CNTNAP2: variants seen among roughly 807,000 people sequenced by gnomAD.
The protein encoded by CNTNAP2 is contactin associated protein 2, also known as contactin-associated protein-like 2.
In CNTNAP2, 98 loss-of-function variants were observed where a neutral mutation model predicts 155.2. That is an observed-to-expected ratio of 0.63 (90% CI 0.54 to 0.75). CNTNAP2 has a LOEUF of 0.75. CNTNAP2 is among the 30% of genes least tolerant of loss of function. CNTNAP2 has a pLI of 0.00. For missense variants in CNTNAP2, 1,727 were observed against 1,688.1 expected (o/e 1.02, Z -0.40); for synonymous variants, 651 against 631.2 (o/e 1.03, Z -0.47).
At position 146,138,498 on chromosome 7, in the gene CNTNAP2, A is replaced by G. The variant is rs115911610; in HGVS notation, c.97+21525A>G. Among the ~76,000 whole-genome samples, 661 of 152,282 alleles carry G rather than the reference A, an allele frequency of 4.3e-3. 3 individuals are homozygous for G. Among genetic ancestry groups the G allele is most frequent in the African/African-American group, 0.014 (577 of 41,572 alleles). ...ATAAGTGATCATGAAATAAACTTAT[A>G]TGTTGAACAATATAGACCATATCAT... On this transcript the variant is annotated intron_variant, in intron 1 of 23. Transcript: ENST00000361727.
chr7:146,340,271 TTTGTTGTTG>T (rs200825227), intron 1 of CNTNAP2, among the ~76,000 whole-genome samples: 2 of 147,476 alleles, frequency 1.4e-5, no homozygotes, highest in Non-Finnish European at 3.0e-5. Flanking sequence ...CCTTTTTTTG[TTTGTTGTTG>T]TTGTTGTTTT....
intron 4 of CNTNAP2, among the ~76,000 whole-genome samples, chr7:147,062,812 G>A (rs879811462): frequency 5.9e-5 from 9 of 152,048 alleles, no homozygotes; most frequent in African/African-American, 9.7e-5. Flanking sequence ...ATTATCTAGC[G>A]TCTGTTCTTA....
At chr7:146,356,083 ACACACACACACG>A (rs1794993928) in intron 1 of CNTNAP2, among the ~76,000 whole-genome samples, 1 of 127,952 alleles carries the variant, frequency 7.8e-6, no homozygotes, top group African/African-American at 3.0e-5. Flanking sequence ...ACACACACAC[ACACACACACACG>A]GGAGTTTACA....
At chr7:146,885,930 TGTGTGTGTGTG>T (rs1393854953) in intron 3 of CNTNAP2, among the ~76,000 whole-genome samples, 2 of 10,952 alleles carry the variant, frequency 1.8e-4, no homozygotes, top group African/African-American at 3.3e-3. Context: ...TGTAAGTCGG[TGTGTGTGTGTG>T]TGTGTGTGTG....
At chr7:146,959,396 C>G (rs983508437) in intron 3 of CNTNAP2, among the ~76,000 whole-genome samples, 2 of 151,980 alleles carry the variant, frequency 1.3e-5, no homozygotes, top group African/African-American at 4.8e-5. Flanking sequence ...AATCTAGAGT[C>G]AAGATGACAC....
chr7:147,880,432 C>T (rs1219737120), intron 13 of CNTNAP2, among the ~76,000 whole-genome samples: 1 of 151,954 alleles, frequency 6.6e-6, no homozygotes, highest in Non-Finnish European at 1.5e-5. Context: ...GCCTAATCGA[C>T]AGTTGGATAT....
chr7:148,374,785 C>CCT (rs2116646358), intron 21 of CNTNAP2, among the ~76,000 whole-genome samples: 1 of 152,290 alleles, frequency 6.6e-6, no homozygotes, highest in African/African-American at 2.4e-5. Flanking sequence ...AAACTCAGGA[C>CCT]GCACATTAGT....
intron 7 of CNTNAP2, among the ~76,000 whole-genome samples, chr7:147,129,471 C>T (rs993347673): frequency 1.3e-5 from 2 of 152,002 alleles, no homozygotes; most frequent in Non-Finnish European, 2.9e-5. Context: ...CAAAGAAAGC[C>T]CCAGCACACA....
At chr7:147,533,113 A>G (rs1319522087) in intron 11 of CNTNAP2, among the ~76,000 whole-genome samples, 1 of 152,250 alleles carries the variant, frequency 6.6e-6, no homozygotes, top group Non-Finnish European at 1.5e-5. Context: ...GTGTAAGAGA[A>G]CACATAGATT....
At chr7:146,385,229 G>A (rs1367504247) in intron 1 of CNTNAP2, among the ~76,000 whole-genome samples, 1 of 151,772 alleles carries the variant, frequency 6.6e-6, no homozygotes, top group Non-Finnish European at 1.5e-5. Flanking sequence ...CCTATTGCTT[G>A]TAATCTTGTT....
intron 12 of CNTNAP2, among the ~76,000 whole-genome samples, chr7:147,628,835 C>T (rs1323127032): frequency 7.1e-6 from 1 of 140,120 alleles, no homozygotes; most frequent in Non-Finnish European, 1.5e-5. Flanking sequence ...ATTCTTCTAC[C>T]AGGAAAAAAC....
At chr7:147,121,514 G>A (rs1250713629) in intron 6 of CNTNAP2, 2 of 222,190 alleles carry the variant, frequency 9.0e-6, no homozygotes, top group East Asian at 2.4e-4. Flanking sequence ...TACATTATAT[G>A]CAGAGGGTTG....
chr7:146,541,512 G>T (rs1410924740), intron 1 of CNTNAP2, among the ~76,000 whole-genome samples: 1 of 151,992 alleles, frequency 6.6e-6, no homozygotes, highest in Non-Finnish European at 1.5e-5. Flanking sequence ...ACTGTAGATA[G>T]TCTCTGCCCC....
chr7:148,273,447 G>A (rs970645960), intron 21 of CNTNAP2, among the ~76,000 whole-genome samples: 1 of 152,178 alleles, frequency 6.6e-6, no homozygotes, highest in Admixed American at 6.5e-5. Flanking sequence ...TTACATACAC[G>A]ACCTGTTTCC....
intron 1 of CNTNAP2, among the ~76,000 whole-genome samples, chr7:146,338,887 T>C (rs547777328): frequency 2.0e-5 from 3 of 151,710 alleles, no homozygotes; most frequent in Non-Finnish European, 4.4e-5. Flanking sequence ...ATTTTTTTTT[T>C]AAAAAAGGTT....
intron 16 of CNTNAP2, among the ~76,000 whole-genome samples, chr7:148,145,253 C>T (rs930648906): frequency 2.6e-4 from 39 of 152,118 alleles, no homozygotes; most frequent in African/African-American, 7.7e-4. Context: ...CTCTGAGCTA[C>T]GGCATCGTCC....
chr7:148,043,730 T>C (rs1441597156), intron 15 of CNTNAP2, among the ~76,000 whole-genome samples: 7 of 152,206 alleles, frequency 4.6e-5, no homozygotes, highest in Non-Finnish European at 1.0e-4. Flanking sequence ...TCGTTTTGCT[T>C]TGTTTTGTTT....
chr7:148,363,172 G>A (rs372227821), intron 21 of CNTNAP2, among the ~76,000 whole-genome samples: 24 of 152,084 alleles, frequency 1.6e-4, no homozygotes, highest in African/African-American at 5.6e-4. Flanking sequence ...TAGTAGAGAC[G>A]GGGTTTCTCC....
At chr7:147,608,228 A>G (rs1469726815) in intron 12 of CNTNAP2, among the ~76,000 whole-genome samples, 1 of 151,422 alleles carries the variant, frequency 6.6e-6, no homozygotes, top group African/African-American at 2.4e-5. Context: ...AAAAAACACA[A>G]TGGTTTTAAG....
Sources: gnomAD v4.1 joint callset for allele counts (sites outside exome capture counted in the v4.1 genomes callset) on GRCh38, gnomAD v4.1.1 for gene constraint, MANE v1.5 for transcripts, NCBI Gene and HGNC (gene_info 2026-07-23, HGNC 2026-07-21) for gene names.